Variants in IQCH observed in about 807,000 individuals in gnomAD.
IQCH encodes IQ domain-containing protein H.
In IQCH, 98 loss-of-function variants were observed where a neutral mutation model predicts 117.0. The ratio of observed to expected loss-of-function variants is 0.84; its 90% CI spans 0.71 to 0.99. The LOEUF is 0.99. Among genes scored for constraint, IQCH ranks in the 50% least tolerant of loss-of-function variants. The probability of loss-of-function intolerance (pLI) is 0.00; values close to 1 mark genes in which losing one functional copy is unlikely to be tolerated. For missense variants in IQCH, 1,102 were observed against 1,243.8 expected (o/e 0.89, Z 1.72); for synonymous variants, 412 against 448.2 (o/e 0.92, Z 1.02).
rs781617336 is a variant in IQCH, at chr15:67,475,815, T to C, written c.2796T>C (p.Val932=). ...ICRAHGIGYD[V]EERQGTVFIL... is the part of the protein sequence containing the mutation. ...GGGCCCATGGCATTGGCTATGATGT[T>C]GAGGTATGAAGGGTTACAGTTGGCC... The change falls in exon 18 of 21, where the codon GTT becomes GTC. Residue 932 remains valine (V), a synonymous_variant. Coordinates refer to ENST00000335894, the MANE Select transcript of IQCH (RefSeq NM_001031715.3). The surrounding 1 kb of genome is among the most constrained non-coding windows in gnomAD (Gnocchi z 5.7). The C allele has an allele frequency of 6.2e-7, 1 of 1,613,720 alleles. No individual in the cohort carries two copies. The highest frequency in any genetic ancestry group is 1.3e-5 in the African/African-American group (1 of 74,916).
chr15:67,431,708 T>C lies in IQCH; in HGVS notation c.2505+10131T>C, dbSNP rs530639853. ...TAGATATAAGGTTCATTAATTATCA[T>C]AGAATTTAGTTGAACATTTCCTACC... On this transcript the variant is annotated intron_variant, in intron 16 of 20. Coordinates refer to ENST00000335894, the MANE Select transcript of IQCH (RefSeq NM_001031715.3). This position sits in a 1 kb window ranked among gnomAD's most constrained non-coding sequence, Gnocchi z 4.8. Among the ~76,000 whole-genome samples, 2 of 152,294 alleles carry C rather than the reference T, an allele frequency of 1.3e-5. No individual in the cohort carries two copies. The highest frequency in any genetic ancestry group is 1.9e-4 in the East Asian group (1 of 5,190).
intron 3 of IQCH, among the ~76,000 whole-genome samples, chr15:67,267,346 A>T: frequency 6.7e-6 from 1 of 149,574 alleles, no homozygotes; most frequent in East Asian, 1.9e-4. Flanking sequence ...ACTGGCTCTC[A>T]GGGGGGCATC....
Position 67,254,902 on chromosome 15 carries a change from AC to A in IQCH, c.7del (p.Gln3ArgfsTer13). ...AGCCGTTCCCTGACCTAGCCATGGC[AC>A]AGAACACTGAAAACCACGACCCTGT... MA[Q>X]NTENHDPVGS... On this transcript the variant is annotated frameshift_variant, in exon 1 of 21. Transcript: ENST00000335894. LOFTEE classifies it high-confidence loss of function. The A allele has an allele frequency of 6.2e-7, 1 of 1,613,762 alleles. No individual in the cohort carries two copies. The highest frequency in any genetic ancestry group is 1.1e-5 in the South Asian group (1 of 91,040).
chr15:67,275,323 G>A (rs1359527895), intron 3 of IQCH, among the ~76,000 whole-genome samples: 1 of 152,118 alleles, frequency 6.6e-6, no homozygotes, highest in Non-Finnish European at 1.5e-5. Flanking sequence ...GCAGATTGTG[G>A]AGAGAGGAGT....
rs112489562 is a variant in IQCH, at chr15:67,264,383, G to C, written c.269+1167G>C. On this transcript the variant is annotated intron_variant, in intron 3 of 20. Transcript: ENST00000335894. ...GGGCACAGGTGAGCTAAGTGCATCT[G>C]CCTCAGGGTCTCTCACAGGCTGCAA... Among the ~76,000 whole-genome samples, 319 of 152,340 alleles carry C rather than the reference G, an allele frequency of 2.1e-3. 1 individual carries two copies. The highest frequency in any genetic ancestry group is 7.5e-3 in the African/African-American group (310 of 41,590).
intron 14 of IQCH, among the ~76,000 whole-genome samples, chr15:67,400,926 G>T (rs1215989822): frequency 6.6e-6 from 1 of 152,048 alleles, no homozygotes; most frequent in Non-Finnish European, 1.5e-5. Flanking sequence ...TGCCCTAAGT[G>T]GTTCTTGATC....
intron 2 of IQCH, among the ~76,000 whole-genome samples, chr15:67,262,200 T>C (rs1170676391): frequency 1.3e-5 from 2 of 152,124 alleles, no homozygotes; most frequent in Non-Finnish European, 2.9e-5. Context: ...TAAAGAAATA[T>C]ACCAATATTG....
chr15:67,433,563 A>T lies in IQCH; in HGVS notation c.2505+11986A>T, dbSNP rs752248970. Among the ~76,000 whole-genome samples, 16 of 152,312 alleles carry T rather than the reference A, an allele frequency of 1.1e-4. No homozygotes were observed. Among genetic ancestry groups the T allele is most frequent in the Non-Finnish European group, 2.1e-4 (14 of 68,032 alleles). On this transcript the variant is annotated intron_variant, in intron 16 of 20. Coordinates refer to ENST00000335894, the MANE Select transcript of IQCH (RefSeq NM_001031715.3). This position sits in a 1 kb window ranked among gnomAD's most constrained non-coding sequence, Gnocchi z 5.4. ...TGTTCCCCCAGGACTTCCTCAAAAG[A>T]TGCCCATTCTCATCATGGAGCTCTT...
Position 67,494,378 on chromosome 15 carries a change from A to G in IQCH, c.2970+12A>G. ...AGACCAATTTTAAGGTGAGGTGTTA[A>G]TTAACTAACGATTCTGGTTAATTTC... On this transcript the variant is annotated intron_variant, in intron 20 of 20. Coordinates refer to ENST00000335894, the MANE Select transcript of IQCH (RefSeq NM_001031715.3). The surrounding 1 kb of genome is among the most constrained non-coding windows in gnomAD (Gnocchi z 5.5). The G allele has an allele frequency of 1.3e-6, 2 of 1,558,488 alleles. No individual in the cohort carries two copies. Among genetic ancestry groups the G allele is most frequent in the South Asian group, 1.1e-5 (1 of 88,030 alleles).
chr15:67,402,605 C>T (rs952473741), intron 14 of IQCH, among the ~76,000 whole-genome samples: 1 of 152,142 alleles, frequency 6.6e-6, no homozygotes, highest in African/African-American at 2.4e-5. Context: ...GTCATCAAGC[C>T]TAGCCTGGCA....
chr15:67,374,570 C>A (rs141941410), intron 10 of IQCH, among the ~76,000 whole-genome samples: 390 of 152,214 alleles, frequency 2.6e-3, no homozygotes, highest in Middle Eastern at 0.017. Flanking sequence ...TTTCTAGACT[C>A]TGGAGTACTT....
chr15:67,371,323 T>C (rs1204289340), intron 8 of IQCH: 1 of 432,760 alleles, frequency 2.3e-6, no homozygotes, highest in Non-Finnish European at 3.9e-6. Flanking sequence ...AGCATCCGAG[T>C]CTTAGAAATT....
At chr15:67,448,451 A>G (rs1041047181) in intron 16 of IQCH, among the ~76,000 whole-genome samples, 1 of 132,588 alleles carries the variant, frequency 7.5e-6, no homozygotes, top group African/African-American at 2.9e-5. Flanking sequence ...TTCAATTCCC[A>G]CCTATGAGTG....
intron 14 of IQCH, among the ~76,000 whole-genome samples, chr15:67,409,722 T>C (rs532715612): frequency 6.6e-6 from 1 of 152,280 alleles, no homozygotes; most frequent in East Asian, 1.9e-4. Flanking sequence ...CGAGGGAAAA[T>C]TGTCTTTGCC....
intron 4 of IQCH, among the ~76,000 whole-genome samples, chr15:67,327,812 T>G (rs1968479556): frequency 6.6e-6 from 1 of 152,172 alleles, no homozygotes; most frequent in Non-Finnish European, 1.5e-5. Context: ...AGCTCAGAGG[T>G]CAGCCAAGGA....
intron 4 of IQCH, among the ~76,000 whole-genome samples, chr15:67,315,663 C>T (rs1208159477): frequency 6.6e-6 from 1 of 152,120 alleles, no homozygotes; most frequent in Non-Finnish European, 1.5e-5. Flanking sequence ...TAATCATTGC[C>T]TTCCTTTTTA....
At chr15:67,315,744 T>C (rs557104874) in intron 4 of IQCH, among the ~76,000 whole-genome samples, 1 of 152,284 alleles carries the variant, frequency 6.6e-6, no homozygotes, top group South Asian at 2.1e-4. Flanking sequence ...CCAATTAGAC[T>C]ACATTCCCTT....
At chr15:67,285,325 A>T (rs1966519549) in intron 4 of IQCH, among the ~76,000 whole-genome samples, 1 of 151,380 alleles carries the variant, frequency 6.6e-6, no homozygotes, top group South Asian at 2.1e-4. Flanking sequence ...AAATTTGTTT[A>T]AGTTCCTTAC....
chr15:67,343,135 T>C (rs771138127), intron 5 of IQCH, among the ~76,000 whole-genome samples: 11 of 152,130 alleles, frequency 7.2e-5, no homozygotes, highest in Non-Finnish European at 1.2e-4. Flanking sequence ...TAAATAGAAA[T>C]AGCATTGGTC....
Sources: allele counts gnomAD v4.1 joint callset (sites outside exome capture counted in the v4.1 genomes callset), GRCh38; gene constraint gnomAD v4.1.1; non-coding constraint Gnocchi (gnomAD v3.1); transcripts MANE v1.5; gene names NCBI Gene and HGNC (gene_info 2026-07-23, HGNC 2026-07-21).